TENM3: variants seen among roughly 807,000 people sequenced by gnomAD.
TENM3 encodes the protein teneurin-3.
TENM3 carries 63 observed loss-of-function variants against 255.1 expected under a neutral mutation model. The ratio of observed to expected loss-of-function variants is 0.25; its 90% confidence interval spans 0.20 to 0.30. The LOEUF (loss-of-function observed/expected upper bound fraction) is 0.30, where lower values mean the gene tolerates loss of function less well. Ranked by LOEUF, TENM3 falls within the 10% of genes least tolerant of loss-of-function variation. The probability of loss-of-function intolerance (pLI) is 1.00; values close to 1 mark genes in which losing one functional copy is unlikely to be tolerated. For missense variants in TENM3, 2,929 were observed against 3,461.1 expected (o/e 0.85, Z 3.86); for synonymous variants, 1,306 against 1,322.3 (o/e 0.99, Z 0.27).
At chr4:182,496,378 TTTTCCTGAGA>T (rs1438488226) in intron 3 of TENM3, among the ~76,000 whole-genome samples, 4 of 151,742 alleles carry the variant, frequency 2.6e-5, no homozygotes, top group Non-Finnish European at 5.9e-5. Context: ...TAAGCATACA[TTTTCCTGAGA>T]GGAAAAAAAA....
intron 3 of TENM3, among the ~76,000 whole-genome samples, chr4:182,366,778 CT>C (rs913308596): frequency 6.6e-6 from 1 of 151,854 alleles, no homozygotes; most frequent in Non-Finnish European, 1.5e-5. Flanking sequence ...CCTTTAGACA[CT>C]GTAAAAAAAA....
At chr4:182,159,693 G>C (rs113655599) in intron 1 of TENM3, among the ~76,000 whole-genome samples, 1,603 of 152,226 alleles carry the variant, frequency 0.011, 16 homozygotes, top group Non-Finnish European at 0.013. Context: ...AGCTCAAGGG[G>C]AACGGGAGCT....
chr4:181,796,831 C>T, the TENM3 span, among the ~76,000 whole-genome samples: 1 of 152,200 alleles, frequency 6.6e-6, no homozygotes, highest in South Asian at 2.1e-4. Context: ...GGTGGTGTTG[C>T]ATCACCACGT....
chr4:181,960,602 T>C, the TENM3 span, among the ~76,000 whole-genome samples: 2 of 152,300 alleles, frequency 1.3e-5, no homozygotes, highest in Middle Eastern at 3.4e-3. Flanking sequence ...GCATGGAAAC[T>C]CAATTTGCCT....
chr4:181,821,389 C>A, the TENM3 span, among the ~76,000 whole-genome samples: 1 of 152,264 alleles, frequency 6.6e-6, no homozygotes, highest in East Asian at 1.9e-4. Context: ...ATCTTATATC[C>A]TGCGATATAA....
intron 1 of TENM3, among the ~76,000 whole-genome samples, chr4:182,259,306 C>T (rs886511366): frequency 5.3e-5 from 8 of 151,964 alleles, no homozygotes; most frequent in Non-Finnish European, 1.2e-4. Flanking sequence ...CTAAGAAAGT[C>T]CTTTATTATG....
the TENM3 span, among the ~76,000 whole-genome samples, chr4:182,014,270 G>T: frequency 6.6e-6 from 1 of 151,526 alleles, no homozygotes; most frequent in Non-Finnish European, 1.5e-5. Context: ...ACACTGGGGA[G>T]CTACTTACCA....
At chr4:182,477,987 T>C (rs1451689912) in intron 3 of TENM3, among the ~76,000 whole-genome samples, 2 of 152,182 alleles carry the variant, frequency 1.3e-5, no homozygotes, top group East Asian at 1.9e-4. Flanking sequence ...ATATATACTT[T>C]TATATCATAC....
intron 3 of TENM3, among the ~76,000 whole-genome samples, chr4:182,403,590 A>G (rs1769351707): frequency 6.6e-6 from 1 of 152,184 alleles, no homozygotes; most frequent in Non-Finnish European, 1.5e-5. Context: ...TGCAAAGAAA[A>G]TTAGCTTTTA....
the TENM3 span, among the ~76,000 whole-genome samples, chr4:181,746,593 T>C: frequency 6.6e-6 from 1 of 152,132 alleles, no homozygotes; most frequent in Non-Finnish European, 1.5e-5. Flanking sequence ...GTATACTTTC[T>C]ATTGACAGCC....
At chr4:182,206,956 G>A (rs143441520) in intron 1 of TENM3, among the ~76,000 whole-genome samples, 65 of 152,084 alleles carry the variant, frequency 4.3e-4, no homozygotes, top group African/African-American at 1.1e-3. Flanking sequence ...CTAATGTCAC[G>A]CACTCAACAT....
At chr4:182,507,980 G>A (rs1737009785) in intron 3 of TENM3, among the ~76,000 whole-genome samples, 1 of 152,094 alleles carries the variant, frequency 6.6e-6, no homozygotes, top group Non-Finnish European at 1.5e-5. Context: ...GATGGTTGCT[G>A]TCCCCCGAGT....
At chr4:182,642,939 G>A (rs1752437972) in intron 5 of TENM3, among the ~76,000 whole-genome samples, 1 of 152,098 alleles carries the variant, frequency 6.6e-6, no homozygotes, top group African/African-American at 2.4e-5. Flanking sequence ...AAATAATAAT[G>A]AATTAGAATG....
the TENM3 span, among the ~76,000 whole-genome samples, chr4:181,863,243 C>A: frequency 6.6e-6 from 1 of 152,090 alleles, no homozygotes; most frequent in Non-Finnish European, 1.5e-5. Flanking sequence ...GTTCCTTTGT[C>A]TTTTTAACCC....
the TENM3 span, among the ~76,000 whole-genome samples, chr4:181,562,043 A>G: frequency 6.6e-6 from 1 of 152,198 alleles, no homozygotes; most frequent in Non-Finnish European, 1.5e-5. Context: ...TGCTAGGATG[A>G]GGAATGCATT....
At chr4:181,941,576 T>C in the TENM3 span, among the ~76,000 whole-genome samples, 1 of 152,208 alleles carries the variant, frequency 6.6e-6, no homozygotes, top group Non-Finnish European at 1.5e-5. Flanking sequence ...GCTTTAGTTA[T>C]TTTAACTGAA....
chr4:181,493,623 T>C, the TENM3 span, among the ~76,000 whole-genome samples: 13 of 151,978 alleles, frequency 8.6e-5, no homozygotes, highest in African/African-American at 3.1e-4. Flanking sequence ...GGTGCATGCC[T>C]GTAACCTCAG....
intron 3 of TENM3, among the ~76,000 whole-genome samples, chr4:182,574,062 T>C (rs1203552220): frequency 6.6e-6 from 1 of 152,136 alleles, no homozygotes; most frequent in South Asian, 2.1e-4. Context: ...CAAAAAAGAC[T>C]TAGTTTTTAA....
At chr4:182,672,055 G>A (rs1043407062) in intron 6 of TENM3, among the ~76,000 whole-genome samples, 9 of 152,110 alleles carry the variant, frequency 5.9e-5, no homozygotes, top group East Asian at 5.8e-4. Flanking sequence ...TTCTGGACCC[G>A]TCTGCATAAG....
Sources: gnomAD v4.1 joint callset for allele counts (sites outside exome capture counted in the v4.1 genomes callset) on GRCh38, gnomAD v4.1.1 for gene constraint, MANE v1.5 for transcripts, NCBI Gene and HGNC (gene_info 2026-07-23, HGNC 2026-07-21) for gene names.